ABCB5: variants seen among roughly 807,000 people sequenced by gnomAD.
ABCB5 encodes ATP binding cassette subfamily B member 5.
ABCB5 carries 155 observed loss-of-function variants against 144.2 expected under a neutral mutation model. That is an observed-to-expected ratio of 1.08 (90% confidence interval 0.94 to 1.23). The LOEUF (loss-of-function observed/expected upper bound fraction) is 1.23, where lower values mean the gene tolerates loss of function less well. Among genes scored for constraint, ABCB5 ranks in the 50% most tolerant of loss-of-function variants. The pLI, the probability that ABCB5 is intolerant of heterozygous loss-of-function variation, is 0.00. For synonymous variants in ABCB5, 610 were observed against 528.6 expected (o/e 1.15, Z -2.11); for missense variants, 1,830 against 1,520.8 (o/e 1.20, Z -3.38).
rs1562551035 is a variant in ABCB5 at position 20,667,707 on chromosome 7, GCCCCTGCCCCTGCCCCTGCCC to G, written c.1707+9033_1707+9053del. ...TGCCCCTGCCCCTGCCCCTGCCCCT[GCCCCTGCCCCTGCCCCTGCCC>G]CTGCCTCTGCCTCTGCCTCTGCCTC... On this transcript the variant is annotated intron_variant, in intron 14 of 27. Coordinates refer to ENST00000404938, the MANE Select transcript of ABCB5 (RefSeq NM_001163941.2). The G allele has an allele frequency of 9.8e-4, 146 of 149,412 alleles. 1 individual carries two copies. Among genetic ancestry groups the G allele is most frequent in the Admixed American group, 2.1e-3 (29 of 13,676 alleles). 9.3% of individuals were successfully genotyped at this position (149,412 alleles called of 1,614,324 possible).
chr7:20,709,740 TA>T lies in ABCB5; in HGVS notation c.2421+4935del, dbSNP rs910837244. On this transcript the variant is annotated intron_variant, in intron 20 of 27. Transcript: ENST00000404938. ...GTTTCTCTAGCAGCTACCATCACTA[TA>T]ACCTAAGACAGCCTAAACAATAGGT... Among the ~76,000 whole-genome samples the T allele has an allele frequency of 3.3e-5, 5 of 150,022 alleles. 1 individual carries two copies. The highest frequency in any genetic ancestry group is 1.2e-4 in the African/African-American group (5 of 40,600).
chr7:20,672,648 G>A (rs1035361728), intron 14 of ABCB5, among the ~76,000 whole-genome samples: 2 of 152,118 alleles, frequency 1.3e-5, no homozygotes, highest in African/African-American at 2.4e-5. Flanking sequence ...TCTTCTGAAG[G>A]TATTATAGTT....
At chr7:20,675,352 C>G (rs1295939946) in intron 14 of ABCB5, among the ~76,000 whole-genome samples, 2 of 150,480 alleles carry the variant, frequency 1.3e-5, no homozygotes, top group African/African-American at 5.0e-5. Context: ...CATATATAAT[C>G]AACTGACCTT....
intron 10 of ABCB5, 58 bp from the exon 11 acceptor site, chr7:20,647,910 G>A (rs1332678047): frequency 1.1e-4 from 130 of 1,204,166 alleles, no homozygotes; most frequent in Non-Finnish European, 1.5e-4. Flanking sequence ...TTTTTAAAAT[G>A]TAGAGACTGT....
intron 15 of ABCB5, among the ~76,000 whole-genome samples, chr7:20,684,444 CTGGGGGCA>C (rs903694318): frequency 6.6e-6 from 1 of 152,028 alleles, no homozygotes; most frequent in African/African-American, 2.4e-5. Flanking sequence ...TGAGAAACTC[CTGGGGGCA>C]GGGGAGAAAA....
intron 23 of ABCB5, among the ~76,000 whole-genome samples, chr7:20,730,484 G>A (rs1371434881): frequency 6.6e-6 from 1 of 152,164 alleles, no homozygotes; most frequent in African/African-American, 2.4e-5. Flanking sequence ...ACTCTAGCCT[G>A]GATGACAGAG....
intron 12 of ABCB5, among the ~76,000 whole-genome samples, chr7:20,650,997 T>G (rs1461966877): frequency 6.6e-6 from 1 of 152,140 alleles, no homozygotes; most frequent in Non-Finnish European, 1.5e-5. Flanking sequence ...TGTAGAGCAA[T>G]GAATAGGAGA....
chr7:20,755,782 T>G lies in ABCB5; in HGVS notation c.*158T>G. 1.4e-6 allele frequency: 1 copy of G among 721,538 alleles called. No individual in the cohort carries two copies. The highest frequency in any genetic ancestry group is 2.2e-6 in the Non-Finnish European group (1 of 462,684). 44.7% of individuals were successfully genotyped at this position (721,538 alleles called of 1,614,324 possible). ...GTTCTATTCACACACCATCTGACCTTCAGATTTTTAAAAGGAAGCAAAAAT... is the reference window on the plus strand; with the variant it reads ...GTTCTATTCACACACCATCTGACCTGCAGATTTTTAAAAGGAAGCAAAAAT... On this transcript the variant is annotated 3_prime_UTR_variant, in exon 28 of 28. Coordinates refer to ENST00000404938, the MANE Select transcript of ABCB5 (RefSeq NM_001163941.2).
Position 20,645,946 on chromosome 7 carries a change from T to C in ABCB5, c.804-15T>C, listed in dbSNP as rs774940820. On this transcript the variant is annotated splice_polypyrimidine_tract_variant and intron_variant, in intron 8 of 27. Transcript: ENST00000404938. Reference sequence around the variant, plus strand: ...TTTCCCCAGTGGCTACTAAGTTGTGTTCTGTTTTTGTAAGGTATACACAGA... The same window carrying C: ...TTTCCCCAGTGGCTACTAAGTTGTGCTCTGTTTTTGTAAGGTATACACAGA... 3.5e-5 allele frequency: 56 copies of C among 1,612,556 alleles called. No individual in the cohort carries two copies. Among genetic ancestry groups the C allele is most frequent in the Non-Finnish European group, 4.5e-5 (53 of 1,179,398 alleles).
At chr7:20,674,479 C>G (rs1203872493) in intron 14 of ABCB5, among the ~76,000 whole-genome samples, 1 of 151,710 alleles carries the variant, frequency 6.6e-6, no homozygotes, top group Non-Finnish European at 1.5e-5. Flanking sequence ...AGAAATCTGT[C>G]ATCTTTATGT....
rs1786347646 is a variant in ABCB5, at chr7:20,694,663, T to C, written c.2011-3744T>C. ...ATGTAGGAGTGTCTTTATTCACAGA[T>C]GGCATGATTACTTATGCAAACAATC... is the stretch of plus-strand genomic sequence containing the variant. On this transcript the variant is annotated intron_variant, in intron 16 of 27. Transcript: ENST00000404938. Among the ~76,000 whole-genome samples the C allele has an allele frequency of 2.0e-5, 3 of 152,004 alleles. No individual in the cohort carries two copies. In the South Asian group the frequency reaches 6.2e-4, roughly 31 times the overall value.
At chr7:20,699,781 T>G in intron 17 of ABCB5, 44 bp from the exon 18 acceptor site, 1 of 1,341,408 alleles carries the variant, frequency 7.5e-7, no homozygotes, top group Non-Finnish European at 1.0e-6. Context: ...CTGTTTCTTT[T>G]ATATTTTCCC....
At chr7:20,681,417 A>G in intron 14 of ABCB5, 88 bp from the exon 15 acceptor site, 1 of 1,456,906 alleles carries the variant, frequency 6.9e-7, no homozygotes, top group Non-Finnish European at 9.3e-7. Context: ...ATGAGCCACC[A>G]TGCCGGGTCA....
At chr7:20,717,822 T>C (rs908294260) in intron 20 of ABCB5, among the ~76,000 whole-genome samples, 34 of 150,138 alleles carry the variant, frequency 2.3e-4, no homozygotes, top group African/African-American at 8.3e-4. Context: ...TATCCCTGTA[T>C]CTATAATTTA....
In ABCB5 at chr7:20,756,064, G is replaced by C. The variant is rs1193331101; in HGVS notation, c.*440G>C. ...CTTTCACTTGGAATTTTGTTTTGCA[G>C]CACATATTACAGTAGTTTTGCTAGT... On this transcript the variant is annotated 3_prime_UTR_variant, in exon 28 of 28. Coordinates refer to ENST00000404938, the MANE Select transcript of ABCB5 (RefSeq NM_001163941.2). 1 of 166,412 alleles carries C rather than the reference G, an allele frequency of 6.0e-6. No homozygotes were observed. The highest frequency in any genetic ancestry group is 1.3e-5 in the Non-Finnish European group (1 of 76,864). The allele number at this position is 166,412 out of a possible 1,614,324, so 10.3% of individuals were successfully genotyped here. A position where few individuals can be genotyped will look rare whatever the true frequency, so the allele number is the denominator to read the frequency against.
intron 14 of ABCB5, chr7:20,667,247 G>C (rs1243749322): frequency 1.0e-6 from 1 of 978,876 alleles, no homozygotes; most frequent in Non-Finnish European, 1.2e-6. Flanking sequence ...GTTTAGGCCA[G>C]GAGCCTGGCA....
At chr7:20,637,167 G>A (rs530474793) in intron 5 of ABCB5, among the ~76,000 whole-genome samples, 1 of 152,196 alleles carries the variant, frequency 6.6e-6, no homozygotes, top group Non-Finnish European at 1.5e-5. Context: ...TTGAGTATAA[G>A]GTAATAGTAC....
chr7:20,620,329 A>T (rs1783781850), intron 1 of ABCB5, among the ~76,000 whole-genome samples: 1 of 152,154 alleles, frequency 6.6e-6, no homozygotes, highest in African/African-American at 2.4e-5. Context: ...AAAATTTTTG[A>T]CACTGGATTT....
In ABCB5 at chr7:20,704,598, T is replaced by C. The variant is rs1401702993; in HGVS notation, c.2338-126T>C. 8 of 623,384 alleles carry C rather than the reference T, an allele frequency of 1.3e-5. No individual in the cohort carries two copies. In the Admixed American group the frequency reaches 1.7e-4, roughly 14 times the overall value. The allele number at this position is 623,384 out of a possible 1,614,324, so 38.6% of individuals were successfully genotyped here. A position where few individuals can be genotyped will look rare whatever the true frequency, so the allele number is the denominator to read the frequency against. On this transcript the variant is annotated intron_variant, in intron 19 of 27. Coordinates refer to ENST00000404938, the MANE Select transcript of ABCB5 (RefSeq NM_001163941.2). ...CAACAGTCATTCAATCCATAGTATTTTATAGGAATTAAGTACCTGTGAGTG... is the reference window on the plus strand; with the variant it reads ...CAACAGTCATTCAATCCATAGTATTCTATAGGAATTAAGTACCTGTGAGTG...
Sources: gnomAD v4.1 joint callset for allele counts (sites outside exome capture counted in the v4.1 genomes callset) on GRCh38, gnomAD v4.1.1 for gene constraint, MANE v1.5 for transcripts, NCBI Gene and HGNC (gene_info 2026-07-23, HGNC 2026-07-21) for gene names.